Variants in CCDC13 observed in about 807,000 individuals in gnomAD.
The protein encoded by CCDC13 is coiled-coil domain-containing protein 13.
In CCDC13, 70 loss-of-function variants were observed where a neutral mutation model predicts 87.3. The observed-to-expected ratio is 0.80, with a 90% CI of 0.66 to 0.98. The LOEUF (loss-of-function observed/expected upper bound fraction) is 0.98. CCDC13 is among the 50% of genes least tolerant of loss of function. The pLI, the probability that CCDC13 is intolerant of heterozygous loss-of-function variation, is 0.00. For synonymous variants in CCDC13, 317 were observed against 360.3 expected (o/e 0.88, Z 1.36); for missense variants, 842 against 892.0 (o/e 0.94, Z 0.71).
chr3:42,752,467 T>C, intron 4 of CCDC13, 108 bp downstream of exon 4: 1 of 1,431,436 alleles, frequency 7.0e-7, no homozygotes, highest in Non-Finnish European at 9.6e-7. Context: ...GAAAGCCTCT[T>C]AACCTTCCAA....
intron 13 of CCDC13, among the ~76,000 whole-genome samples, chr3:42,727,678 G>A (rs1202520801): frequency 6.6e-6 from 1 of 152,082 alleles, no homozygotes; most frequent in Non-Finnish European, 1.5e-5. Context: ...AGGCACAAAC[G>A]GAGAAATCAA....
chr3:42,742,649 C>G (rs1049866132), intron 8 of CCDC13, among the ~76,000 whole-genome samples: 4 of 152,152 alleles, frequency 2.6e-5, no homozygotes, highest in African/African-American at 9.7e-5. Flanking sequence ...GGTATAGCAC[C>G]TCCAAAACAG....
intron 11 of CCDC13, 36 bp downstream of exon 11, chr3:42,733,434 T>C (rs1229548168): frequency 4.3e-6 from 7 of 1,612,656 alleles, no homozygotes; most frequent in Non-Finnish European, 5.9e-6. Flanking sequence ...TAATTAATGT[T>C]CACTTTCCAA....
At chr3:42,745,209 T>C (rs1351358849) in intron 7 of CCDC13, 2 of 152,238 alleles carry the variant, frequency 1.3e-5, no homozygotes, top group Non-Finnish European at 2.9e-5. Flanking sequence ...CTCACATGTT[T>C]CTCAGTTTGA....
At chr3:42,709,213 G>A in intron 15 of CCDC13, 74 bp from the exon 16 acceptor site, 3 of 1,461,954 alleles carry the variant, frequency 2.1e-6, no homozygotes, top group Non-Finnish European at 2.8e-6. Context: ...AGGGCCCTGG[G>A]AATGTGGTTG....
intron 1 of CCDC13, chr3:42,770,693 C>G (rs768420150): frequency 3.9e-5 from 6 of 152,588 alleles, no homozygotes; most frequent in African/African-American, 1.2e-4. Context: ...TGGGTCCACA[C>G]TGCTTTTATG....
At chr3:42,751,376 G>C (rs1699575008) in intron 5 of CCDC13, among the ~76,000 whole-genome samples, 2 of 152,212 alleles carry the variant, frequency 1.3e-5, no homozygotes, top group South Asian at 4.1e-4. Context: ...AACTGTCACT[G>C]GTTTAGTAAA....
intron 14 of CCDC13, among the ~76,000 whole-genome samples, chr3:42,710,742 T>C (rs1222134490): frequency 6.6e-6 from 1 of 152,154 alleles, no homozygotes; most frequent in East Asian, 1.9e-4. Context: ...CCTGTCTCAT[T>C]GCTGGGGAGG....
chr3:42,755,774 C>A (rs1286199410), intron 3 of CCDC13, among the ~76,000 whole-genome samples: 1 of 152,128 alleles, frequency 6.6e-6, no homozygotes, highest in Non-Finnish European at 1.5e-5. Flanking sequence ...TGGGCTTTGG[C>A]AAAGCTTGCA....
rs145714186 is a variant in CCDC13 at position 42,727,662 on chromosome 3, C to T, written c.1718+2805G>A. Among the ~76,000 whole-genome samples the T allele has an allele frequency of 8.0e-3, 1,217 of 152,210 alleles. 12 individuals are homozygous for T. The highest frequency in any genetic ancestry group is 0.027 in the African/African-American group (1,116 of 41,556). ...GAAGAGAAATATTAGGAAACAGTAA[C>T]ATGAAAGGCACAAACGGAGAAATCA... On this transcript the variant is annotated intron_variant, in intron 13 of 15. Coordinates refer to ENST00000310232, the MANE Select transcript of CCDC13 (RefSeq NM_144719.4).
intron 13 of CCDC13, among the ~76,000 whole-genome samples, chr3:42,720,283 T>C (rs889894526): frequency 5.3e-5 from 8 of 152,156 alleles, no homozygotes; most frequent in African/African-American, 9.7e-5. Context: ...ACGCAAGAAA[T>C]GTTGTGTAAT....
At position 42,709,686 on chromosome 3, in the gene CCDC13, G is replaced by T. The variant is rs1698257609; in HGVS notation, c.1986C>A (p.Thr662=). Residue 662 remains threonine (T), a splice_region_variant and synonymous_variant, in exon 15 of 16, where the codon ACC becomes ACA. Transcript: ENST00000310232. The stretch of plus-strand genomic sequence containing the variant: ...AGGAAGGCGGGGCAGGGGAGCACCT[G>T]GTTGTCAGCTCTTCCATTTGGGATT... ...PVESQMEELT[T]RLAIQVEENE... 6.2e-7 allele frequency: 1 copy of T among 1,613,366 alleles called. No homozygotes were observed. The highest frequency in any genetic ancestry group is 8.5e-7 in the Non-Finnish European group (1 of 1,179,314).
intron 13 of CCDC13, among the ~76,000 whole-genome samples, chr3:42,723,955 TACA>T (rs1367218084): frequency 1.3e-5 from 2 of 152,116 alleles, no homozygotes; most frequent in Non-Finnish European, 2.9e-5. Flanking sequence ...TTAAAAAATT[TACA>T]ACAAATTAAA....
intron 1 of CCDC13, among the ~76,000 whole-genome samples, chr3:42,761,535 T>C (rs1368925899): frequency 6.6e-6 from 1 of 152,220 alleles, no homozygotes; most frequent in African/African-American, 2.4e-5. Flanking sequence ...GGCACTGTGT[T>C]GTTCATTGCT....
chr3:42,749,848 G>A (rs1699526509), intron 5 of CCDC13: 1 of 456,588 alleles, frequency 2.2e-6, no homozygotes, highest in African/African-American at 2.0e-5. Flanking sequence ...CAAGCAGAGG[G>A]AAGGGTGTTC....
rs1699755135 is a variant in CCDC13, at chr3:42,758,323, T to C, written c.23A>G (p.Gln8Arg). Residue 8 changes from glutamine (Q) to arginine (R), a missense_variant, in exon 2 of 16, where the codon CAG becomes CGG. Coordinates refer to ENST00000310232, the MANE Select transcript of CCDC13 (RefSeq NM_144719.4). MAADESS[Q>R]NTLRLQFKAM... ...CTTGAACTGGAGCCGCAAAGTGTTC[T>C]GTGAGCTTTCATCTGCTGCCATCCT... The C allele has an allele frequency of 7.4e-6, 12 of 1,612,854 alleles. No individual in the cohort carries two copies. Among genetic ancestry groups the C allele is most frequent in the Non-Finnish European group, 9.3e-6 (11 of 1,180,028 alleles).
chr3:42,711,526 T>C (rs1288935599), intron 14 of CCDC13, among the ~76,000 whole-genome samples: 1 of 152,226 alleles, frequency 6.6e-6, no homozygotes, highest in Non-Finnish European at 1.5e-5. Flanking sequence ...CTCAAGGCCC[T>C]GTGTGATTGG....
chr3:42,768,692 A>G lies in CCDC13; in HGVS notation c.-7+4484T>C, dbSNP rs542120969. Among the ~76,000 whole-genome samples, 112 of 12,108 alleles carry G rather than the reference A, an allele frequency of 9.3e-3. 1 individual carries two copies. Among genetic ancestry groups the G allele is most frequent in the African/African-American group, 9.5e-3 (108 of 11,374 alleles). The allele number at this position is 12,108 out of a possible 152,430, so 7.9% of individuals were successfully genotyped here. A position where few individuals can be genotyped will look rare whatever the true frequency, so the allele number is the denominator to read the frequency against. On this transcript the variant is annotated intron_variant, in intron 1 of 15. Coordinates refer to ENST00000310232, the MANE Select transcript of CCDC13 (RefSeq NM_144719.4). ...AGCCTGGGCTACAGAGAAAGACTCA[A>G]AAAATAAAAAAAAATAAAAAACAAG... is the stretch of plus-strand genomic sequence containing the variant.
chr3:42,712,837 T>C (rs895191896), intron 14 of CCDC13, among the ~76,000 whole-genome samples: 7 of 152,208 alleles, frequency 4.6e-5, no homozygotes, highest in Admixed American at 2.0e-4. Flanking sequence ...CTGTGCCCCA[T>C]GACCACTTTG....
Sources: gnomAD v4.1 joint callset for allele counts (sites outside exome capture counted in the v4.1 genomes callset) on GRCh38, gnomAD v4.1.1 for gene constraint, MANE v1.5 for transcripts, NCBI Gene and HGNC (gene_info 2026-07-23, HGNC 2026-07-21) for gene names.